Variants in FARP1 observed in about 807,000 individuals in gnomAD.
FARP1 encodes FERM, ARH/RhoGEF and pleckstrin domain protein 1.
FARP1 carries 52 observed loss-of-function variants against 128.8 expected under a neutral mutation model. The observed-to-expected ratio is 0.40, with a 90% confidence interval of 0.32 to 0.51. The LOEUF (loss-of-function observed/expected upper bound fraction) is 0.51, where lower values mean the gene tolerates loss of function less well. Ranked by LOEUF, FARP1 falls within the 20% of genes least tolerant of loss-of-function variation. FARP1 has a pLI of 0.45. For missense variants in FARP1, 1,333 were observed against 1,367.9 expected, an observed-to-expected ratio of 0.97 and a Z score of 0.40; for synonymous variants, 580 against 551.8, an observed-to-expected ratio of 1.05 and a Z score of -0.72.
intron 2 of FARP1, among the ~76,000 whole-genome samples, chr13:98,254,017 A>G (rs1883474400): frequency 6.6e-6 from 1 of 151,856 alleles, no homozygotes. Context: ...TGAAAATACC[A>G]CTCTGTACTT....
intron 2 of FARP1, among the ~76,000 whole-genome samples, chr13:98,290,633 G>C (rs2139663160): frequency 6.6e-6 from 1 of 152,262 alleles, no homozygotes; most frequent in East Asian, 1.9e-4. Context: ...CCTTGCAAAA[G>C]GACCACATTG....
intron 2 of FARP1, among the ~76,000 whole-genome samples, chr13:98,310,170 A>G (rs1267450828): frequency 6.6e-6 from 1 of 151,692 alleles, no homozygotes; most frequent in Non-Finnish European, 1.5e-5. Flanking sequence ...TGACTTCCAC[A>G]GTGCAGCTTG....
At chr13:98,395,617 G>T in intron 13 of FARP1, 141 bp downstream of exon 13, 1 of 1,047,804 alleles carries the variant, frequency 9.5e-7, no homozygotes, top group Non-Finnish European at 1.4e-6. Context: ...CCAAACAAAT[G>T]ACAATTATGA....
intron 18 of FARP1, chr13:98,431,529 T>C (rs1174578644): frequency 2.2e-5 from 7 of 321,274 alleles, no homozygotes; most frequent in Non-Finnish European, 4.0e-5. Flanking sequence ...TGGTGCGATC[T>C]CGGCTCACTG....
At chr13:98,318,967 T>G (rs1344137968) in intron 2 of FARP1, among the ~76,000 whole-genome samples, 7 of 140,818 alleles carry the variant, frequency 5.0e-5, no homozygotes, top group Admixed American at 1.4e-4. Flanking sequence ...TTTTTTTTTT[T>G]TTGTTTGTTT....
chr13:98,406,411 G>A (rs1049538902), intron 13 of FARP1: 14 of 152,190 alleles, frequency 9.2e-5, no homozygotes, highest in Non-Finnish European at 1.9e-4. Context: ...AATGCTGATA[G>A]ATTTCTAGAC....
At chr13:98,195,021 A>T (rs1333165036) in intron 1 of FARP1, among the ~76,000 whole-genome samples, 1 of 152,228 alleles carries the variant, frequency 6.6e-6, no homozygotes, top group African/African-American at 2.4e-5. Context: ...TACCTACGCC[A>T]TAGGGTCGTT....
intron 16 of FARP1, among the ~76,000 whole-genome samples, chr13:98,412,611 G>T (rs963595839): frequency 8.5e-5 from 13 of 152,216 alleles, no homozygotes; most frequent in African/African-American, 3.1e-4. Flanking sequence ...AATGACCTAA[G>T]TGTCCATCAA....
intron 24 of FARP1, among the ~76,000 whole-genome samples, chr13:98,442,898 A>G (rs1308434265): frequency 6.6e-6 from 1 of 152,228 alleles, no homozygotes; most frequent in Admixed American, 6.5e-5. Flanking sequence ...GGGGTTTGTC[A>G]TAGGCCTCAA....
intron 13 of FARP1, 72 bp downstream of exon 13, chr13:98,395,548 G>T (rs1342724319): frequency 6.8e-7 from 1 of 1,474,124 alleles, no homozygotes; most frequent in Non-Finnish European, 9.1e-7. Flanking sequence ...CGTAGATAGC[G>T]AATACGACCT....
chr13:98,259,671 CT>C (rs1416488510), intron 2 of FARP1, among the ~76,000 whole-genome samples: 10 of 152,068 alleles, frequency 6.6e-5, no homozygotes, highest in Non-Finnish European at 1.5e-4. Flanking sequence ...CTAAATATTC[CT>C]AATTACATTT....
At chr13:98,312,390 C>T (rs1297221821) in intron 2 of FARP1, among the ~76,000 whole-genome samples, 4 of 152,016 alleles carry the variant, frequency 2.6e-5, no homozygotes, top group African/African-American at 7.3e-5. Context: ...CTGCCTGCCT[C>T]GGCCTCCCAA....
At chr13:98,434,232 C>T (rs1892160179) in intron 18 of FARP1, 1 of 152,114 alleles carries the variant, frequency 6.6e-6, no homozygotes, top group Non-Finnish European at 1.5e-5. Context: ...GGGGTGCCAT[C>T]ATTCCATCAT....
chr13:98,378,314 C>T (rs1426822298), intron 6 of FARP1, among the ~76,000 whole-genome samples: 2 of 152,194 alleles, frequency 1.3e-5, no homozygotes, highest in Non-Finnish European at 2.9e-5. Context: ...GATTTCACTT[C>T]TCTCTAGAGA....
chr13:98,235,061 G>C (rs368861526), intron 2 of FARP1, among the ~76,000 whole-genome samples: 7 of 152,308 alleles, frequency 4.6e-5, no homozygotes, highest in East Asian at 3.9e-4. Flanking sequence ...AAAGTAGGTA[G>C]TTTGGGTCTC....
intron 1 of FARP1, among the ~76,000 whole-genome samples, chr13:98,185,948 T>G (rs1878836639): frequency 6.6e-6 from 1 of 152,190 alleles, no homozygotes; most frequent in South Asian, 2.1e-4. Flanking sequence ...TCCGCCTGCC[T>G]CGGCCTCCCA....
At chr13:98,384,067 G>A (rs1337086786) in intron 6 of FARP1, 1 of 152,128 alleles carries the variant, frequency 6.6e-6, no homozygotes, top group African/African-American at 2.4e-5. Flanking sequence ...GGCTTTTTAG[G>A]AGGTCATACG....
intron 18 of FARP1, chr13:98,432,412 T>G (rs1892067946): frequency 6.6e-6 from 1 of 152,244 alleles, no homozygotes; most frequent in South Asian, 2.1e-4. Context: ...CCAGACCTGC[T>G]TTTCCCACGG....
In FARP1 at chr13:98,379,080, G is replaced by GTAATCTATATATAATATATATAATATA. The variant is rs1889752376; in HGVS notation, c.496+1184_496+1185insATATATAATCTATATATAATATATATA. On this transcript the variant is annotated intron_variant, in intron 6 of 26. Coordinates refer to ENST00000319562, the MANE Select transcript of FARP1 (RefSeq NM_005766.4). ...ATATAATATATAATATATGTAATATGTAATCTATATATAATATATATATAA... is the reference window on the plus strand; with the variant it reads ...ATATAATATATAATATATGTAATATGTAATCTATATATAATATATATAATATATAATCTATATATAATATATATATAA... Among the ~76,000 whole-genome samples, 6 of 50,816 alleles carry GTAATCTATATATAATATATATAATATA rather than the reference G, an allele frequency of 1.2e-4. 1 individual carries two copies. The highest frequency in any genetic ancestry group is 1.9e-4 in the Non-Finnish European group (6 of 31,200). 33.3% of individuals were successfully genotyped at this position (50,816 alleles called of 152,430 possible). A position where few individuals can be genotyped will look rare whatever the true frequency, so the allele number is the denominator to read the frequency against.
Sources: allele counts gnomAD v4.1 joint callset (sites outside exome capture counted in the v4.1 genomes callset), GRCh38; gene constraint gnomAD v4.1.1; transcripts MANE v1.5; gene names NCBI Gene and HGNC (gene_info 2026-07-23, HGNC 2026-07-21).